Variants in FBN2 observed in about 807,000 individuals in gnomAD.
The protein encoded by FBN2 is fibrillin 2, also known as fibrillin-2.
A neutral mutation model predicts 355.6 loss-of-function variants in FBN2; 105 were observed. The observed-to-expected ratio is 0.30, with a 90% CI of 0.25 to 0.35. FBN2 has a LOEUF of 0.35. Ranked by LOEUF, FBN2 falls within the 10% of genes least tolerant of loss-of-function variation. FBN2 has a pLI of 1.00. For missense variants in FBN2, 3,280 were observed against 3,758.7 expected (o/e 0.87, Z 3.33); for synonymous variants, 1,350 against 1,301.2 (o/e 1.04, Z -0.81).
At chr5:128,451,890 C>T (rs1210416635) in intron 6 of FBN2, among the ~76,000 whole-genome samples, 1 of 152,232 alleles carries the variant, frequency 6.6e-6, no homozygotes, top group East Asian at 1.9e-4. Context: ...ATAGTAGATT[C>T]AGTGATTTTT....
Position 128,310,416 on chromosome 5 carries a change from T to A in FBN2, c.5075-308A>T, listed in dbSNP as rs1750023161. ...TATATATATATATTTTTTTTTTTTT[T>A]TTTTTATTGCAATTCGCATTCTTCA... On this transcript the variant is annotated intron_variant, in intron 39 of 64. Coordinates refer to ENST00000262464, the MANE Select transcript of FBN2 (RefSeq NM_001999.4). Among the ~76,000 whole-genome samples the A allele has an allele frequency of 5.9e-5, 8 of 135,684 alleles. 2 individuals are homozygous for A. In the East Asian group the frequency reaches 8.6e-4, roughly 15 times the overall value. The allele number at this position is 135,684 out of a possible 152,430, so 89.0% of individuals were successfully genotyped here. A position where few individuals can be genotyped will look rare whatever the true frequency, so the allele number is the denominator to read the frequency against.
In FBN2 at chr5:128,330,560, G is replaced by A. The variant is rs1310589790; in HGVS notation, c.4345+13C>T. On this transcript the variant is annotated intron_variant, in intron 33 of 64. Transcript: ENST00000262464. Reference sequence around the variant, plus strand: ...ACCATCCCGTCAGAGCACACCTCAGGACTGTCACCCACCTGAGCAGGTAAA... The same window carrying A: ...ACCATCCCGTCAGAGCACACCTCAGAACTGTCACCCACCTGAGCAGGTAAA... The A allele has an allele frequency of 6.2e-7, 1 of 1,613,956 alleles. No individual in the cohort carries two copies. Among genetic ancestry groups the A allele is most frequent in the South Asian group, 1.1e-5 (1 of 91,074 alleles).
At chr5:128,442,331 C>T (rs576412812) in intron 7 of FBN2, 17 of 456,638 alleles carry the variant, frequency 3.7e-5, no homozygotes, top group South Asian at 2.0e-4. Flanking sequence ...GGGAGGATCA[C>T]GCAAGGACAT....
At chr5:128,481,726 A>G (rs1406297464) in intron 5 of FBN2, among the ~76,000 whole-genome samples, 1 of 152,214 alleles carries the variant, frequency 6.6e-6, no homozygotes, top group Non-Finnish European at 1.5e-5. Context: ...ATCTATTTAT[A>G]TCTTCTGTCC....
At chr5:128,260,752 A>T (rs1764944076) in intron 64 of FBN2, among the ~76,000 whole-genome samples, 1 of 152,208 alleles carries the variant, frequency 6.6e-6, no homozygotes, top group African/African-American at 2.4e-5. Flanking sequence ...TTTTGGCTAG[A>T]CAAGTCAGGT....
Position 128,473,034 on chromosome 5 carries a change from T to C in FBN2, c.629-8113A>G, listed in dbSNP as rs1754914647. Among the ~76,000 whole-genome samples the C allele has an allele frequency of 2.0e-5, 3 of 152,296 alleles. No homozygotes were observed. The South Asian group carries it at 6.2e-4, about 32-fold the overall frequency. ...CCACGCCCCTCGTGATGGATATTTA[T>C]ATTGTTTTCAACTGATTTCAAGTGC... On this transcript the variant is annotated intron_variant, in intron 5 of 64. Coordinates refer to ENST00000262464, the MANE Select transcript of FBN2 (RefSeq NM_001999.4).
intron 16 of FBN2, among the ~76,000 whole-genome samples, chr5:128,368,870 G>T (rs867936359): frequency 1.3e-5 from 2 of 150,604 alleles, no homozygotes; most frequent in African/African-American, 4.9e-5. Flanking sequence ...ACCAAGACAG[G>T]GTCTCACCCT....
At chr5:128,521,598 A>G (rs1756435880) in intron 4 of FBN2, among the ~76,000 whole-genome samples, 1 of 152,234 alleles carries the variant, frequency 6.6e-6, no homozygotes, top group Non-Finnish European at 1.5e-5. Context: ...TACTAAGTCC[A>G]AAGTAATGTG....
At chr5:128,369,448 T>A in intron 15 of FBN2, 114 bp from the exon 16 acceptor site, 2 of 937,150 alleles carry the variant, frequency 2.1e-6, no homozygotes, top group Non-Finnish European at 3.3e-6. Flanking sequence ...TTCAAGGGCA[T>A]CTGAGACTTT....
At chr5:128,308,558 TTA>T (rs1418868207) in intron 41 of FBN2, among the ~76,000 whole-genome samples, 8 of 152,308 alleles carry the variant, frequency 5.3e-5, no homozygotes, top group Admixed American at 1.3e-4. Flanking sequence ...GTATCTATAG[TTA>T]TTAAAAGTTG....
chr5:128,456,023 A>AAG (rs1554070903), intron 6 of FBN2, among the ~76,000 whole-genome samples: 1 of 145,782 alleles, frequency 6.9e-6, no homozygotes, highest in Admixed American at 6.9e-5. Flanking sequence ...AAAAAAAAAA[A>AAG]GCAACTGCTG....
At chr5:128,310,400 ATATTTTTTTTTTTT>A (rs1474522697) in intron 39 of FBN2, among the ~76,000 whole-genome samples, 67 of 13,286 alleles carry the variant, frequency 5.0e-3, no homozygotes, top group Middle Eastern at 0.077. Flanking sequence ...ATATATATAT[ATATTTTTTTTTTTT>A]TTTTTTTATT....
chr5:128,473,089 T>C (rs1360488416), intron 5 of FBN2, among the ~76,000 whole-genome samples: 2 of 152,144 alleles, frequency 1.3e-5, no homozygotes, highest in Non-Finnish European at 2.9e-5. Context: ...CTCTTCAACA[T>C]ACTTACTGAC....
At chr5:128,456,057 G>A (rs977443874) in intron 6 of FBN2, among the ~76,000 whole-genome samples, 17 of 144,258 alleles carry the variant, frequency 1.2e-4, no homozygotes, top group Admixed American at 1.1e-3. Context: ...CTCTGGGCAC[G>A]GGGAAGGGCT....
chr5:128,526,589 A>G (rs1756568485), intron 4 of FBN2, among the ~76,000 whole-genome samples: 1 of 152,184 alleles, frequency 6.6e-6, no homozygotes, highest in Admixed American at 6.5e-5. Context: ...TAAAACACGG[A>G]TGAACCTTGA....
intron 11 of FBN2, among the ~76,000 whole-genome samples, chr5:128,388,811 G>A (rs1279454950): frequency 1.3e-5 from 2 of 152,184 alleles, no homozygotes; most frequent in South Asian, 2.1e-4. Context: ...ATGATTGTAT[G>A]TCTTGAAGTT....
intron 17 of FBN2, 48 bp from the exon 18 acceptor site, chr5:128,364,773 T>C: frequency 6.5e-7 from 1 of 1,536,230 alleles, no homozygotes. Context: ...CATGTTATTG[T>C]TTGTTGATAA....
At chr5:128,475,107 T>G (rs1327641520) in intron 5 of FBN2, among the ~76,000 whole-genome samples, 2 of 152,146 alleles carry the variant, frequency 1.3e-5, no homozygotes, top group South Asian at 4.1e-4. Context: ...CATTCCTGGC[T>G]CCTGGAATTA....
At chr5:128,514,146 G>A (rs747441858) in intron 5 of FBN2, among the ~76,000 whole-genome samples, 1 of 151,926 alleles carries the variant, frequency 6.6e-6, no homozygotes, top group Non-Finnish European at 1.5e-5. Flanking sequence ...CAAGAAAAAG[G>A]GAGACATTTT....
Sources: gnomAD v4.1 joint callset for allele counts (sites outside exome capture counted in the v4.1 genomes callset) on GRCh38, gnomAD v4.1.1 for gene constraint, MANE v1.5 for transcripts, NCBI Gene and HGNC (gene_info 2026-07-23, HGNC 2026-07-21) for gene names.